Variants in DBT observed in about 807,000 individuals in gnomAD.
The protein encoded by DBT is lipoamide acyltransferase component of branched-chain alpha-keto acid dehydrogenase complex, mitochondrial.
Under a neutral mutation model 51.3 loss-of-function variants are expected in DBT, and 40 were observed. The observed-to-expected ratio is 0.78, with a 90% CI of 0.61 to 1.02. The LOEUF (loss-of-function observed/expected upper bound fraction) is 1.02, where lower values mean the gene tolerates loss of function less well. DBT is among the 50% of genes least tolerant of loss of function. The pLI is 0.00. For missense variants in DBT, 510 were observed against 580.2 expected (o/e 0.88, Z 1.24); for synonymous variants, 181 against 190.4 (o/e 0.95, Z 0.41).
chr1:100,213,412 G>T (rs909825666), intron 7 of DBT: 71 of 1,579,912 alleles, frequency 4.5e-5, no homozygotes, highest in Non-Finnish European at 8.6e-6. Context: ...CCCCGCAGCC[G>T]CCCTACTCCT....
rs114378772 is a variant in DBT, at chr1:100,202,950, G to A, written c.1281+3280C>T. On this transcript the variant is annotated intron_variant, in intron 10 of 10. Coordinates refer to ENST00000370132, the MANE Select transcript of DBT (RefSeq NM_001918.5). ...AAGTATGTGTAGAGGGAAATTTATA[G>A]CACTATAAATTTCCCACAGAAATAA... 2.8e-3 allele frequency among the ~76,000 whole-genome samples: 433 copies of A among 152,194 alleles called. 3 individuals carry two copies. The highest frequency in any genetic ancestry group is 0.01 in the African/African-American group (417 of 41,514).
intron 1 of DBT, among the ~76,000 whole-genome samples, chr1:100,244,099 G>A (rs1001385570): frequency 2.6e-4 from 17 of 65,854 alleles, no homozygotes; most frequent in Non-Finnish European, 5.0e-4. Flanking sequence ...TTTAAGTAGA[G>A]GGGTCTGGTG....
intron 1 of DBT, among the ~76,000 whole-genome samples, chr1:100,248,222 TAAAAG>T (rs1664668926): frequency 6.6e-6 from 1 of 151,948 alleles, no homozygotes; most frequent in South Asian, 2.1e-4. Flanking sequence ...GCCTTCAACA[TAAAAG>T]AAGAAGTCGT....
At chr1:100,227,479 A>G (rs1663291693) in intron 4 of DBT, among the ~76,000 whole-genome samples, 1 of 152,240 alleles carries the variant, frequency 6.6e-6, no homozygotes, top group Non-Finnish European at 1.5e-5. Flanking sequence ...ATGCCAGCTA[A>G]TAATGTTAAA....
Position 100,210,823 on chromosome 1 carries a change from A to G in DBT, c.940-52T>C, listed in dbSNP as rs1326540536. On this transcript the variant is annotated intron_variant, in intron 7 of 10. Coordinates refer to ENST00000370132, the MANE Select transcript of DBT (RefSeq NM_001918.5). ...TTAGTACTTTTAACTTAGAAAGGAT[A>G]GAGAATTTGAAACAATAAGAGGTAT... 3.7e-6 allele frequency: 6 copies of G among 1,603,158 alleles called. No homozygotes were observed. In the African/African-American group the frequency reaches 6.7e-5, roughly 18 times the overall value.
At chr1:100,213,176 T>G in intron 7 of DBT, 1 of 467,844 alleles carries the variant, frequency 2.1e-6, no homozygotes, top group Non-Finnish European at 3.5e-6. Flanking sequence ...CATGTCAGGG[T>G]TACTCTGAGA....
rs767154711 is a variant in DBT, at chr1:100,206,294, C to A, written c.1217G>T (p.Gly406Val). The A allele has an allele frequency of 1.9e-5, 30 of 1,608,126 alleles. No homozygotes were observed. Among genetic ancestry groups the A allele is most frequent in the Non-Finnish European group, 2.5e-5 (29 of 1,177,186 alleles). Residue 406 changes from glycine to valine, a missense_variant, in exon 10 of 11, where the codon GGT becomes GTT. Gly to Val is a moderately radical substitution (Grantham distance 109, BLOSUM62 -3). Transcript: ENST00000370132. ...FTLSNIGSIG[G>V]TFAKPVIMPP... Reference sequence around the variant, plus strand: ...CATTATCACTGGTTTGGCAAAGGTACCACCAATCTATTTTTTAAAAAAAAA... The same window carrying A: ...CATTATCACTGGTTTGGCAAAGGTAACACCAATCTATTTTTTAAAAAAAAA...
Position 100,194,338 on chromosome 1 carries a change from GT to G in DBT, c.*1916del, listed in dbSNP as rs745306619. On this transcript the variant is annotated 3_prime_UTR_variant, in exon 11 of 11. Transcript: ENST00000370132. ...GCACACCACCACACTTGGCTTTTTG[GT>G]TTTTTTTTTTTTTTCTGAGACAAAG... 8.3e-4 allele frequency: 114 copies of G among 137,348 alleles called. No homozygotes were observed. The highest frequency in any genetic ancestry group is 1.1e-3 in the Non-Finnish European group (71 of 62,798). 8.5% of individuals were successfully genotyped at this position (137,348 alleles called of 1,614,324 possible).
At chr1:100,215,932 C>T in intron 6 of DBT, 51 bp downstream of exon 6, 1 of 1,109,180 alleles carries the variant, frequency 9.0e-7, no homozygotes, top group South Asian at 1.2e-5. Flanking sequence ...AGGTAGCTTC[C>T]CCCAAAATAA....
chr1:100,241,445 G>C (rs1169686898), intron 1 of DBT, among the ~76,000 whole-genome samples: 1 of 151,444 alleles, frequency 6.6e-6, no homozygotes, highest in African/African-American at 2.4e-5. Flanking sequence ...GCCCAGGCTG[G>C]AGTGCAGTGG....
In DBT at chr1:100,187,095, T is replaced by C. The variant is rs1660599351; in HGVS notation, c.*9160A>G. 1 of 152,228 alleles carries C rather than the reference T, an allele frequency of 6.6e-6. No homozygotes were observed. The allele number at this position is 152,228 out of a possible 1,614,324, so 9.4% of individuals were successfully genotyped here. On this transcript the variant is annotated 3_prime_UTR_variant, in exon 11 of 11. Coordinates refer to ENST00000370132, the MANE Select transcript of DBT (RefSeq NM_001918.5). ...AACAAAACACAACTTCTCTGATGAATGAAGTGGTTACCATATTTTTTCCCA... is the reference window on the plus strand; with the variant it reads ...AACAAAACACAACTTCTCTGATGAACGAAGTGGTTACCATATTTTTTCCCA...
At chr1:100,222,865 A>C (rs930883279) in intron 4 of DBT, among the ~76,000 whole-genome samples, 2 of 152,114 alleles carry the variant, frequency 1.3e-5, no homozygotes, top group African/African-American at 2.4e-5. Context: ...GGCCCAGTGT[A>C]CCTAAAATAG....
chr1:100,235,032 C>A (rs989989764), intron 3 of DBT, among the ~76,000 whole-genome samples: 4 of 152,018 alleles, frequency 2.6e-5, no homozygotes, highest in African/African-American at 9.7e-5. Flanking sequence ...CTTTTTTGGA[C>A]AATTTTTTAA....
chr1:100,217,666 C>T (rs1403699654), intron 5 of DBT, among the ~76,000 whole-genome samples: 1 of 152,212 alleles, frequency 6.6e-6, no homozygotes, highest in African/African-American at 2.4e-5. Context: ...CAAAAAGTCT[C>T]ATTGTGGGGC....
At chr1:100,225,020 C>CA (rs1557953422) in intron 4 of DBT, among the ~76,000 whole-genome samples, 4 of 45,794 alleles carry the variant, frequency 8.7e-5, no homozygotes, top group South Asian at 9.0e-4. Flanking sequence ...TCCGTCTCCC[C>CA]CCAAAAAAAA....
intron 1 of DBT, among the ~76,000 whole-genome samples, chr1:100,248,473 G>C (rs1297198566): frequency 6.6e-6 from 1 of 152,206 alleles, no homozygotes; most frequent in Admixed American, 6.5e-5. Flanking sequence ...AGTAGACCTG[G>C]TTGGAAGACT....
At chr1:100,224,916 G>A (rs1663078786) in intron 4 of DBT, among the ~76,000 whole-genome samples, 1 of 150,614 alleles carries the variant, frequency 6.6e-6, no homozygotes, top group Non-Finnish European at 1.5e-5. Flanking sequence ...CTACTCAGGA[G>A]GCTGAGGCAG....
rs944467831 is a variant in DBT at position 100,203,060 on chromosome 1, G to A, written c.1281+3170C>T. ...GAACTAGAGAAGCAAGAGCAAACAC[G>A]TTCAAAAGCTAGCAGAAGACAAGAA... On this transcript the variant is annotated intron_variant, in intron 10 of 10. Transcript: ENST00000370132. Among the ~76,000 whole-genome samples, 18 of 151,898 alleles carry A rather than the reference G, an allele frequency of 1.2e-4. 1 individual carries two copies. Among genetic ancestry groups the A allele is most frequent in the Non-Finnish European group, 1.8e-4 (12 of 67,966 alleles).
intron 4 of DBT, among the ~76,000 whole-genome samples, chr1:100,225,062 C>T (rs202223042): frequency 0.8 from 74,526 of 93,096 alleles, 32,013 homozygotes; most frequent in East Asian, 0.95. Flanking sequence ...TACACACACA[C>T]ACACACACAC....
Sources: gnomAD v4.1 joint callset for allele counts (sites outside exome capture counted in the v4.1 genomes callset) on GRCh38, gnomAD v4.1.1 for gene constraint, MANE v1.5 for transcripts, NCBI Gene and HGNC (gene_info 2026-07-23, HGNC 2026-07-21) for gene names.